AR: variants seen among roughly 807,000 people sequenced by gnomAD.
AR encodes dihydrotestosterone receptor.
A neutral mutation model predicts 53.9 loss-of-function variants in AR; 8 were observed. That is an observed-to-expected ratio of 0.15 (90% CI 0.09 to 0.27). The LOEUF is 0.27. Among genes scored for constraint, AR ranks in the 10% least tolerant of loss-of-function variants. AR has a pLI of 1.00. For missense variants in AR, 639 were observed against 742.5 expected, an observed-to-expected ratio of 0.86 and a Z score of 1.62; for synonymous variants, 359 against 316.4, an observed-to-expected ratio of 1.13 and a Z score of -1.43.
chrX:67,662,285 G>A (rs905128472), intron 2 of AR, among the ~76,000 whole-genome samples: 6 of 111,034 alleles, frequency 5.4e-5, no homozygotes, highest in East Asian at 2.8e-4. Context: ...TGTGATGTTA[G>A]GGTTTCAATT....
chrX:67,656,266 G>A (rs778764863), intron 2 of AR, among the ~76,000 whole-genome samples: 6 of 111,762 alleles, frequency 5.4e-5, no homozygotes, highest in Non-Finnish European at 1.1e-4. Flanking sequence ...ATGTGAACTA[G>A]CCGTGTCCTC....
At chrX:67,691,293 C>A (rs984472146) in intron 3 of AR, among the ~76,000 whole-genome samples, 1 of 112,022 alleles carries the variant, frequency 8.9e-6, no homozygotes, top group African/African-American at 3.2e-5. Context: ...AGAGGCCTAC[C>A]CTCATACCAA....
intron 2 of AR, among the ~76,000 whole-genome samples, chrX:67,664,693 G>A (rs749405242): frequency 6.9e-4 from 78 of 112,274 alleles, no homozygotes; most frequent in African/African-American, 2.0e-3. Flanking sequence ...CCTTTTGTTC[G>A]GCTATGCCCT....
rs2076162306 is a variant in AR at position 67,727,425 on chromosome X, A to G, written c.*3584A>G. 5.9e-6 allele frequency: 1 copy of G among 169,791 alleles called. No individual in the cohort carries two copies. Among genetic ancestry groups the G allele is most frequent in the Non-Finnish European group, 1.1e-5 (1 of 88,643 alleles). The allele number at this position is 169,791 out of a possible 1,213,427, so 14.0% of individuals were successfully genotyped here. On this transcript the variant is annotated 3_prime_UTR_variant, in exon 8 of 8. Coordinates refer to ENST00000374690, the MANE Select transcript of AR (RefSeq NM_000044.6). ...TAGAGTCCCTCTCTGTCCATACTCTACTTCTAAATACATATAGGCATACAT... is the reference window on the plus strand; with the variant it reads ...TAGAGTCCCTCTCTGTCCATACTCTGCTTCTAAATACATATAGGCATACAT...
intron 1 of AR, among the ~76,000 whole-genome samples, chrX:67,631,004 G>T (rs1925065586): frequency 8.9e-6 from 1 of 111,750 alleles, no homozygotes; most frequent in Non-Finnish European, 1.9e-5. Context: ...TCTGCCGAGA[G>T]ATCTGCTGTT....
chrX:67,714,614 G>C (rs1169507595), intron 4 of AR, among the ~76,000 whole-genome samples: 1 of 111,921 alleles, frequency 8.9e-6, no homozygotes, highest in Non-Finnish European at 1.9e-5. Context: ...GATGTCAATC[G>C]GATTCTAGTG....
intron 2 of AR, among the ~76,000 whole-genome samples, chrX:67,649,620 T>C (rs913554757): frequency 8.9e-6 from 1 of 112,752 alleles, no homozygotes. Context: ...ATTTCCCTAA[T>C]GACCAGTGAT....
At chrX:67,583,690 T>G (rs1354012660) in intron 1 of AR, among the ~76,000 whole-genome samples, 2 of 111,764 alleles carry the variant, frequency 1.8e-5, no homozygotes, top group Non-Finnish European at 3.8e-5. Flanking sequence ...ACACACCAGA[T>G]GTATTCAACA....
At chrX:67,598,283 GTTT>G (rs1223399786) in intron 1 of AR, among the ~76,000 whole-genome samples, 3 of 94,902 alleles carry the variant, frequency 3.2e-5, no homozygotes, top group Admixed American at 1.2e-4. Flanking sequence ...TTGTAGCAAT[GTTT>G]TTTTTTTTTT....
chrX:67,704,570 A>C (rs929991812), intron 3 of AR, among the ~76,000 whole-genome samples: 1 of 111,295 alleles, frequency 9.0e-6, no homozygotes, highest in Non-Finnish European at 1.9e-5. Context: ...GAGTAGATGG[A>C]AAAAATTTTC....
intron 2 of AR, 74 bp downstream of exon 2, chrX:67,643,481 G>A: frequency 8.9e-7 from 1 of 1,129,128 alleles, no homozygotes; most frequent in Non-Finnish European, 1.2e-6. Context: ...AACCTTTCAG[G>A]GCCCAGGATT....
chrX:67,588,287 G>A (rs758893455), intron 1 of AR, among the ~76,000 whole-genome samples: 1 of 111,973 alleles, frequency 8.9e-6, no homozygotes, highest in Non-Finnish European at 1.9e-5. Flanking sequence ...AGCTGCCCAT[G>A]TCCCCACACT....
At chrX:67,634,012 G>T (rs948421269) in intron 1 of AR, among the ~76,000 whole-genome samples, 1 of 110,878 alleles carries the variant, frequency 9.0e-6, no homozygotes, top group Non-Finnish European at 1.9e-5. Context: ...TGCTAAAATG[G>T]GTGAATTTTA....
At position 67,545,557 on chromosome X, in the gene AR, C is replaced by A. The variant is rs1308331665; in HGVS notation, c.411C>A (p.Ala137=). 1 of 1,178,646 alleles carries A rather than the reference C, an allele frequency of 8.5e-7. No homozygotes were observed. Among genetic ancestry groups the A allele is most frequent in the Non-Finnish European group, 1.1e-6 (1 of 879,754 alleles). The change falls in exon 1 of 8, where the codon GCC becomes GCA. Residue 137 remains alanine (A), a synonymous_variant. Transcript: ENST00000374690. ...GAGGTTGCGTCCCAGAGCCTGGAGC[C>A]GCCGTGGCCGCCAGCAAGGGGCTGC... is the stretch of plus-strand genomic sequence containing the variant. ...PERGCVPEPG[A]AVAASKGLPQ... is the part of the protein sequence containing the mutation.
At chrX:67,687,497 T>A (rs2075973164) in intron 3 of AR, among the ~76,000 whole-genome samples, 1 of 112,035 alleles carries the variant, frequency 8.9e-6, no homozygotes, top group African/African-American at 3.2e-5. Flanking sequence ...GACTCAGATA[T>A]CTGAGAAAAC....
intron 2 of AR, among the ~76,000 whole-genome samples, chrX:67,662,842 CTCT>C (rs1338034980): frequency 4.5e-5 from 5 of 111,429 alleles, no homozygotes; most frequent in Admixed American, 2.9e-4. Flanking sequence ...GGATAGTTAG[CTCT>C]TCTTGTTGAA....
At chrX:67,618,656 A>G (rs144781676) in intron 1 of AR, among the ~76,000 whole-genome samples, 114 of 111,753 alleles carry the variant, frequency 1.0e-3, no homozygotes, top group African/African-American at 2.8e-3. Flanking sequence ...AGAAGACCAT[A>G]CAAGTGGAGA....
intron 3 of AR, among the ~76,000 whole-genome samples, chrX:67,700,147 C>T (rs1298868806): frequency 2.7e-5 from 3 of 111,632 alleles, no homozygotes; most frequent in Admixed American, 1.9e-4. Flanking sequence ...TTTCTTGTCA[C>T]TGCTCTGACC....
In AR at chrX:67,545,830, C is replaced by G. The variant is rs2147317838; in HGVS notation, c.684C>G (p.Gly228=). 2.3e-5 allele frequency: 28 copies of G among 1,212,168 alleles called. 1 individual carries two copies. The highest frequency in any genetic ancestry group is 3.1e-5 in the Non-Finnish European group (28 of 895,599). The change falls in exon 1 of 8, where the codon GGC becomes GGG. Residue 228 remains glycine (G), a synonymous_variant. Coordinates refer to ENST00000374690, the MANE Select transcript of AR (RefSeq NM_000044.6). ...PTSSKDNYLG[G]TSTISDNAKE... ...CCTCCAAGGACAATTACTTAGGGGGCACTTCGACCATTTCTGACAACGCCA... is the reference window on the plus strand; with the variant it reads ...CCTCCAAGGACAATTACTTAGGGGGGACTTCGACCATTTCTGACAACGCCA...
Sources: allele counts gnomAD v4.1 joint callset (sites outside exome capture counted in the v4.1 genomes callset), GRCh38; gene constraint gnomAD v4.1.1; transcripts MANE v1.5; gene names NCBI Gene and HGNC (gene_info 2026-07-23, HGNC 2026-07-21).